GSG1L: variants seen among roughly 807,000 people sequenced by gnomAD.
The protein encoded by GSG1L is GSG1 like.
A neutral mutation model predicts 42.1 loss-of-function variants in GSG1L; 24 were observed. That is an observed-to-expected ratio of 0.57 (90% CI 0.41 to 0.80). The LOEUF (loss-of-function observed/expected upper bound fraction) is 0.80. Among genes scored for constraint, GSG1L ranks in the 30% least tolerant of loss-of-function variants. GSG1L has a pLI of 0.00. For missense variants in GSG1L, 445 were observed against 472.2 expected (o/e 0.94, Z 0.53); for synonymous variants, 215 against 203.5 (o/e 1.06, Z -0.48).
intron 1 of GSG1L, among the ~76,000 whole-genome samples, chr16:28,009,717 G>A (rs1402990840): frequency 6.6e-6 from 1 of 152,238 alleles, no homozygotes; most frequent in Non-Finnish European, 1.5e-5. Flanking sequence ...ACTGGCCTTG[G>A]GTCGGCAAGC....
intron 1 of GSG1L, among the ~76,000 whole-genome samples, chr16:28,047,061 A>C (rs568197818): frequency 9.1e-4 from 139 of 152,354 alleles, no homozygotes; most frequent in African/African-American, 3.2e-3. Flanking sequence ...GACAGTGACC[A>C]GCCCATAGAC....
intron 3 of GSG1L, among the ~76,000 whole-genome samples, chr16:27,853,439 G>C (rs1349296045): frequency 6.6e-6 from 1 of 152,096 alleles, no homozygotes; most frequent in Admixed American, 6.5e-5. Context: ...AATCTTTCCC[G>C]CTCCAATTTA....
intron 2 of GSG1L, among the ~76,000 whole-genome samples, chr16:27,947,730 C>A (rs1029238059): frequency 6.6e-6 from 1 of 152,056 alleles, no homozygotes; most frequent in Non-Finnish European, 1.5e-5. Context: ...AGAGACAGGA[C>A]CCTATTTCTT....
chr16:27,882,160 G>A lies in GSG1L; in HGVS notation c.550+2326C>T, dbSNP rs897248895. 1.1e-4 allele frequency among the ~76,000 whole-genome samples: 16 copies of A among 152,272 alleles called. No individual in the cohort carries two copies. The South Asian group carries it at 3.3e-3, about 32-fold the overall frequency. On this transcript the variant is annotated intron_variant, in intron 3 of 6. Transcript: ENST00000447459. ...GTTCTCCTGATAGTGAGTCTCACGA[G>A]AGCTGATGGTTTTATGAAGAGCAGT...
At chr16:28,026,490 G>A (rs1053475668) in intron 1 of GSG1L, among the ~76,000 whole-genome samples, 11 of 152,150 alleles carry the variant, frequency 7.2e-5, no homozygotes, top group Non-Finnish European at 1.3e-4. Flanking sequence ...GTCGGCTTTC[G>A]CTGCCAGAAC....
chr16:27,989,402 C>A (rs143268294), intron 1 of GSG1L, among the ~76,000 whole-genome samples: 4 of 152,112 alleles, frequency 2.6e-5, no homozygotes, highest in African/African-American at 4.8e-5. Flanking sequence ...AACAAATAGG[C>A]CCCTGAAAGG....
At chr16:27,887,955 G>A in intron 2 of GSG1L, 1 of 336,488 alleles carries the variant, frequency 3.0e-6, no homozygotes, top group Non-Finnish European at 4.2e-6. Context: ...GCTGGCCCAA[G>A]GGCCACCAGG....
chr16:27,810,922 A>G (rs2083023826), intron 5 of GSG1L, among the ~76,000 whole-genome samples: 1 of 152,150 alleles, frequency 6.6e-6, no homozygotes, highest in Non-Finnish European at 1.5e-5. Flanking sequence ...TCCTGACCTC[A>G]GGTGATCCAC....
intron 2 of GSG1L, among the ~76,000 whole-genome samples, chr16:27,915,986 T>A (rs1453278160): frequency 2.0e-5 from 3 of 152,074 alleles, no homozygotes; most frequent in African/African-American, 7.2e-5. Context: ...CAGTGATACA[T>A]CACTCCCTGG....
chr16:27,791,410 T>C lies in GSG1L; in HGVS notation c.956A>G (p.Glu319Gly), dbSNP rs916183892. Residue 319 changes from glutamate to glycine, a missense_variant, in exon 7 of 7, where the codon GAG (glutamate) becomes GGG (glycine). This residue lies in a region of GSG1L where 140 missense variants were observed against 120.6 expected (regional missense o/e 1.16). Transcript: ENST00000447459. ...CAAGACCCAGCACTGTCGGTTCAGC[T>C]CTGGTGCTTCCTGTGCGGAGCTCCG... ...WPRSSAQEAP[E>G]LNRQCWVLGH... 2 of 1,529,664 alleles carry C rather than the reference T, an allele frequency of 1.3e-6. No individual in the cohort carries two copies. Among genetic ancestry groups the C allele is most frequent in the Non-Finnish European group, 1.8e-6 (2 of 1,134,318 alleles). 94.8% of individuals were successfully genotyped at this position (1,529,664 alleles called of 1,614,324 possible).
chr16:27,969,887 TA>T (rs1473401441), intron 1 of GSG1L, among the ~76,000 whole-genome samples: 1 of 152,264 alleles, frequency 6.6e-6, no homozygotes, highest in Non-Finnish European at 1.5e-5. Flanking sequence ...CGTCTTTTTT[TA>T]TTATAAGCAT....
intron 1 of GSG1L, among the ~76,000 whole-genome samples, chr16:27,978,312 G>A (rs2085273703): frequency 6.6e-6 from 1 of 152,134 alleles, no homozygotes; most frequent in East Asian, 1.9e-4. Context: ...AGAGCCATGG[G>A]GTGCACCAGG....
chr16:27,799,950 T>G (rs1190584275), intron 6 of GSG1L, among the ~76,000 whole-genome samples: 1 of 152,148 alleles, frequency 6.6e-6, no homozygotes, highest in Non-Finnish European at 1.5e-5. Context: ...ATCAGCAGCA[T>G]CAGCATCGTG....
intron 1 of GSG1L, among the ~76,000 whole-genome samples, chr16:27,996,437 A>G (rs976317701): frequency 4.6e-5 from 7 of 152,270 alleles, no homozygotes; most frequent in Admixed American, 4.6e-4. Flanking sequence ...AATAACCTAC[A>G]TTTCCATTAA....
chr16:28,038,066 G>C (rs1419643280), intron 1 of GSG1L, among the ~76,000 whole-genome samples: 3 of 152,222 alleles, frequency 2.0e-5, no homozygotes, highest in Non-Finnish European at 2.9e-5. Flanking sequence ...CAGATGAGGA[G>C]CTAAGGCACG....
chr16:27,888,511 CTT>C lies in GSG1L; in HGVS notation c.398-3875_398-3874del, dbSNP rs1407385375. On this transcript the variant is annotated intron_variant, in intron 2 of 6. Coordinates refer to ENST00000447459, the MANE Select transcript of GSG1L (RefSeq NM_001109763.2). ...TCTTTCTTTCTTTCTTTCTTTCTTT[CTT>C]TCTTTCTTTCTTTCTTTCTTTCTTT... is the stretch of plus-strand genomic sequence containing the variant. 2.1e-4 allele frequency among the ~76,000 whole-genome samples: 3 copies of C among 14,142 alleles called. 1 individual carries two copies. The East Asian group carries it at 6.5e-3, about 31-fold the overall frequency. The allele number at this position is 14,142 out of a possible 152,430, so 9.3% of individuals were successfully genotyped here.
At chr16:27,870,839 G>GTCC (rs892683483) in intron 3 of GSG1L, among the ~76,000 whole-genome samples, 6 of 151,282 alleles carry the variant, frequency 4.0e-5, no homozygotes, top group Non-Finnish European at 7.4e-5. Context: ...CCCATCCACA[G>GTCC]TCCTCCGTTC....
intron 5 of GSG1L, among the ~76,000 whole-genome samples, chr16:27,820,772 G>A (rs192571847): frequency 0.024 from 3,696 of 152,180 alleles, 139 homozygotes; most frequent in African/African-American, 0.083. Flanking sequence ...CTCTCTCTTA[G>A]AAGATAAATG....
At chr16:27,947,540 G>GGAAAGAAAAA (rs2084893229) in intron 2 of GSG1L, among the ~76,000 whole-genome samples, 1 of 97,098 alleles carries the variant, frequency 1.0e-5, no homozygotes, top group Non-Finnish European at 1.9e-5. Context: ...AAAGAATGAA[G>GGAAAGAAAAA]GAAAGAAAGA....
Sources: gnomAD v4.1 joint callset for allele counts (sites outside exome capture counted in the v4.1 genomes callset) on GRCh38, gnomAD v4.1.1 for gene constraint, gnomAD v4.1.1 regional missense constraint, MANE v1.5 for transcripts, NCBI Gene and HGNC (gene_info 2026-07-23, HGNC 2026-07-21) for gene names.